Variants in RPS6KA6 observed in about 807,000 individuals in gnomAD.
RPS6KA6 encodes the protein ribosomal protein S6 kinase A6.
A neutral mutation model predicts 65.4 loss-of-function variants in RPS6KA6; 27 were observed. The observed-to-expected ratio is 0.41, with a 90% CI of 0.30 to 0.57. The LOEUF (loss-of-function observed/expected upper bound fraction) is 0.57, where lower values mean the gene tolerates loss of function less well. RPS6KA6 is among the 20% of genes least tolerant of loss of function. RPS6KA6 has a pLI of 0.24. For missense variants in RPS6KA6, 486 were observed against 555.6 expected, an observed-to-expected ratio of 0.87 and a Z score of 1.26; for synonymous variants, 190 against 184.2, an observed-to-expected ratio of 1.03 and a Z score of -0.26.
intron 5 of RPS6KA6, among the ~76,000 whole-genome samples, 173 bp from the exon 6 acceptor site, chrX:84,145,730 A>T (rs1282390066): frequency 9.0e-6 from 1 of 110,867 alleles, no homozygotes; most frequent in Non-Finnish European, 1.9e-5. Flanking sequence ...ATAGCTATAA[A>T]CCCCTTCCCA....
At chrX:84,107,357 T>C (rs2034380410) in intron 13 of RPS6KA6, among the ~76,000 whole-genome samples, 1 of 111,581 alleles carries the variant, frequency 9.0e-6, no homozygotes. Context: ...ATCCTGTAAA[T>C]CATTAGCATG....
At chrX:84,187,745 C>T (rs1187827096) in intron 1 of RPS6KA6, 74 bp downstream of exon 1, 2 of 1,048,897 alleles carry the variant, frequency 1.9e-6, no homozygotes, top group African/African-American at 3.8e-5. Context: ...CCTCTCCTCT[C>T]TCCGTCCCCA....
At position 84,063,318 on chromosome X, in the gene RPS6KA6, T is replaced by C. The variant is rs1461452190; in HGVS notation, c.*959A>G. On this transcript the variant is annotated 3_prime_UTR_variant, in exon 22 of 22. Transcript: ENST00000262752. ...TCATAGGATTCAAGGTAGAATGATA[T>C]GCTACACTGTACTTCAAAGCACATC... 2.8e-5 allele frequency: 3 copies of C among 108,709 alleles called. No homozygotes were observed. The East Asian group carries it at 9.5e-4, about 34-fold the overall frequency. The allele number at this position is 108,709 out of a possible 1,213,427, so 9.0% of individuals were successfully genotyped here. A position where few individuals can be genotyped will look rare whatever the true frequency, so the allele number is the denominator to read the frequency against.
At chrX:84,069,460 C>T (rs1457509405) in intron 20 of RPS6KA6, among the ~76,000 whole-genome samples, 2 of 111,650 alleles carry the variant, frequency 1.8e-5, no homozygotes, top group Non-Finnish European at 3.8e-5. Flanking sequence ...CCATAAAAGC[C>T]CTACAAGAAA....
At chrX:84,164,280 T>A in intron 2 of RPS6KA6, 48 bp downstream of exon 2, 2 of 955,706 alleles carry the variant, frequency 2.1e-6, no homozygotes, top group Non-Finnish European at 3.0e-6. Flanking sequence ...GTATTCTTTT[T>A]CCTTATATGC....
chrX:84,076,561 C>T (rs1361462126), intron 20 of RPS6KA6, among the ~76,000 whole-genome samples: 1 of 111,828 alleles, frequency 8.9e-6, no homozygotes, highest in African/African-American at 3.2e-5. Context: ...GTGATTATCA[C>T]AGCAGACATA....
chrX:84,091,504 G>C (rs1005740051), intron 20 of RPS6KA6, among the ~76,000 whole-genome samples: 1 of 112,299 alleles, frequency 8.9e-6, no homozygotes, highest in African/African-American at 3.2e-5. Flanking sequence ...ATGCCAAATA[G>C]TAATGGGAAA....
intron 1 of RPS6KA6, among the ~76,000 whole-genome samples, chrX:84,169,697 T>C (rs769358312): frequency 2.2e-4 from 25 of 111,576 alleles, no homozygotes; most frequent in African/African-American, 8.1e-4. Context: ...AGTAGAGAGA[T>C]ACACATTTCC....
In RPS6KA6 at chrX:84,096,214, T is replaced by A. The variant is rs751503710; in HGVS notation, c.1951A>T (p.Asn651Tyr). The A allele has an allele frequency of 2.6e-6, 3 of 1,171,538 alleles. No individual in the cohort carries two copies. The African/African-American group carries it at 5.3e-5, about 21-fold the overall frequency. The change falls in exon 20 of 22, where the codon AAT (asparagine) becomes TAT (tyrosine). Residue 651 changes from asparagine to tyrosine, a missense_variant. Physicochemically the swap from Asn to Tyr is moderately radical, Grantham distance 143. Transcript: ENST00000262752. The part of the protein sequence containing the change: ...KFSLSGGNWD[N>Y]ISDGAKDLLS... ...TATACCTTTGCTCCGTCTGAAATAT[T>A]GTCCCAGTTTCCACCACTCAAAGAG...
chrX:84,175,891 C>T (rs1382040399), intron 1 of RPS6KA6, among the ~76,000 whole-genome samples: 1 of 110,529 alleles, frequency 9.0e-6, no homozygotes, highest in East Asian at 2.8e-4. Context: ...TCTAGTAACA[C>T]AACACTATAC....
chrX:84,112,684 T>A (rs767806148), intron 12 of RPS6KA6, among the ~76,000 whole-genome samples: 1 of 111,827 alleles, frequency 8.9e-6, no homozygotes, highest in African/African-American at 3.2e-5. Flanking sequence ...AAGAGGAAAG[T>A]TTTTAGTGTT....
intron 1 of RPS6KA6, among the ~76,000 whole-genome samples, chrX:84,183,646 T>C (rs2147655840): frequency 9.0e-6 from 1 of 111,669 alleles, no homozygotes; most frequent in South Asian, 3.8e-4. Flanking sequence ...CAGTATCAGA[T>C]TCTTCCTTCT....
intron 20 of RPS6KA6, among the ~76,000 whole-genome samples, chrX:84,086,233 C>T (rs1456864271): frequency 9.0e-6 from 1 of 111,105 alleles, no homozygotes; most frequent in African/African-American, 3.3e-5. Context: ...TTCTCTAGTT[C>T]TTTCTGTTGT....
At chrX:84,153,135 CAT>C (rs2035357355) in intron 3 of RPS6KA6, among the ~76,000 whole-genome samples, 1 of 111,419 alleles carries the variant, frequency 9.0e-6, no homozygotes, top group Non-Finnish European at 1.9e-5. Flanking sequence ...AAGATGTAAG[CAT>C]ATGTTTTTAA....
intron 6 of RPS6KA6, among the ~76,000 whole-genome samples, chrX:84,140,600 A>ACT (rs1862944411): frequency 9.3e-6 from 1 of 106,990 alleles, no homozygotes; most frequent in South Asian, 4.2e-4. Context: ...AGCCGGGCTA[A>ACT]CTGTGCACCT....
rs1178143888 is a variant in RPS6KA6, at chrX:84,173,746, A to T, written c.82-9359T>A. ...TGCGATCACAGCTCATTGTAACCTC[A>T]AACTCCTAGGCTCAAATAATCCTCC... is the stretch of plus-strand genomic sequence containing the variant. On this transcript the variant is annotated intron_variant, in intron 1 of 21. Coordinates refer to ENST00000262752, the MANE Select transcript of RPS6KA6 (RefSeq NM_014496.5). Among the ~76,000 whole-genome samples the T allele has an allele frequency of 8.1e-5, 9 of 111,770 alleles. No individual in the cohort carries two copies. In the Admixed American group the frequency reaches 8.6e-4, roughly 11 times the overall value.
chrX:84,075,410 A>G (rs915230121), intron 20 of RPS6KA6, among the ~76,000 whole-genome samples: 2 of 111,909 alleles, frequency 1.8e-5, no homozygotes, highest in Non-Finnish European at 3.8e-5. Flanking sequence ...ACAACTTCAC[A>G]TGGTCTAATA....
At chrX:84,128,985 T>C (rs1341188915) in intron 8 of RPS6KA6, among the ~76,000 whole-genome samples, 1 of 111,233 alleles carries the variant, frequency 9.0e-6, no homozygotes, top group Non-Finnish European at 1.9e-5. Flanking sequence ...AAAGCAAATA[T>C]GGACAAACTG....
chrX:84,111,897 G>T (rs1383589442), intron 12 of RPS6KA6, among the ~76,000 whole-genome samples: 1 of 111,180 alleles, frequency 9.0e-6, no homozygotes, highest in Non-Finnish European at 1.9e-5. Context: ...CAGCAAGTTG[G>T]GTAACAGACA....
Sources: allele counts gnomAD v4.1 joint callset (sites outside exome capture counted in the v4.1 genomes callset), GRCh38; gene constraint gnomAD v4.1.1; transcripts MANE v1.5; gene names NCBI Gene and HGNC (gene_info 2026-07-23, HGNC 2026-07-21).